Variants in ZNF782 observed in about 807,000 individuals in gnomAD.
ZNF782 encodes zinc finger protein 782.
In ZNF782, 12 loss-of-function variants were observed where a neutral mutation model predicts 13.0. The observed-to-expected ratio is 0.92, with a 90% CI of 0.59 to 1.50. The LOEUF is 1.50. Ranked by LOEUF, ZNF782 falls within the 40% of genes most tolerant of loss-of-function variation. ZNF782 has a pLI of 0.00. For synonymous variants in ZNF782, 284 were observed against 283.0 expected (o/e 1.00, Z -0.04); for missense variants, 770 against 822.9 (o/e 0.94, Z 0.79).
chr9:96,880,968 C>T, the ZNF782 span, among the ~76,000 whole-genome samples: 259 of 152,222 alleles, frequency 1.7e-3, 1 homozygote, highest in Admixed American at 5.7e-3. Context: ...TAATATAAAA[C>T]TACTTAAATT....
chr9:96,829,921 A>G (rs529968640), intron 4 of ZNF782, among the ~76,000 whole-genome samples: 20 of 152,320 alleles, frequency 1.3e-4, no homozygotes, highest in African/African-American at 2.9e-4. Flanking sequence ...ATTTAAAAAC[A>G]TAAGATGCTG....
At chr9:96,848,582 A>C (rs1437794475) in intron 3 of ZNF782, among the ~76,000 whole-genome samples, 2 of 152,028 alleles carry the variant, frequency 1.3e-5, no homozygotes, top group Non-Finnish European at 2.9e-5. Context: ...ACAAAATAAC[A>C]CCACCACCAC....
intron 4 of ZNF782, among the ~76,000 whole-genome samples, chr9:96,838,587 G>T (rs887057525): frequency 1.3e-5 from 2 of 152,230 alleles, no homozygotes; most frequent in East Asian, 1.9e-4. Flanking sequence ...TTTTCTTAGA[G>T]AATTGAGCCA....
In ZNF782 at chr9:96,827,071, G is replaced by GT; in HGVS notation, c.244+8dup. ...GAGAACCTTCTTCTTGTTGAATTCAGTAACTCACCTGGGGAGTTCCTGCTT... is the reference window on the plus strand; with the variant it reads ...GAGAACCTTCTTCTTGTTGAATTCAGTTAACTCACCTGGGGAGTTCCTGCTT... On this transcript the variant is annotated intron_variant, in intron 5 of 5. Transcript: ENST00000481138. 1 of 1,589,008 alleles carries GT rather than the reference G, an allele frequency of 6.3e-7. No homozygotes were observed. Among genetic ancestry groups the GT allele is most frequent in the Non-Finnish European group, 8.6e-7 (1 of 1,161,814 alleles).
At chr9:96,883,864 C>A in the ZNF782 span, among the ~76,000 whole-genome samples, 1 of 152,228 alleles carries the variant, frequency 6.6e-6, no homozygotes, top group Non-Finnish European at 1.5e-5. Context: ...TTTCCTTCTG[C>A]TTCTCATATG....
chr9:96,892,586 C>T, the ZNF782 span: 5 of 152,252 alleles, frequency 3.3e-5, no homozygotes, highest in African/African-American at 7.2e-5. Context: ...GGAGACATGC[C>T]TTTACCAAGT....
chr9:96,898,940 C>T, the ZNF782 span, among the ~76,000 whole-genome samples: 14 of 148,180 alleles, frequency 9.4e-5, no homozygotes, highest in South Asian at 3.0e-3. Context: ...TTGGGACAAC[C>T]GTCACCACTG....
chr9:96,906,649 C>T, the ZNF782 span, among the ~76,000 whole-genome samples: 24 of 152,324 alleles, frequency 1.6e-4, no homozygotes, highest in Non-Finnish European at 2.8e-4. Flanking sequence ...GCTTTTATAT[C>T]CTCCCAGGCA....
At chr9:96,913,314 C>T in the ZNF782 span, among the ~76,000 whole-genome samples, 2 of 151,842 alleles carry the variant, frequency 1.3e-5, no homozygotes, top group Admixed American at 1.3e-4. Context: ...GACTCCATTT[C>T]AAAAAATTTT....
chr9:96,871,280 TTTC>T (rs958505240), intron 1 of ZNF782, among the ~76,000 whole-genome samples: 12 of 152,218 alleles, frequency 7.9e-5, no homozygotes, highest in African/African-American at 1.2e-4. Flanking sequence ...TTTAATTGTA[TTTC>T]TTCTTTTTTT....
chr9:96,926,800 T>C, the ZNF782 span, among the ~76,000 whole-genome samples: 1 of 152,196 alleles, frequency 6.6e-6, no homozygotes, highest in Non-Finnish European at 1.5e-5. Flanking sequence ...TGAGTCCAAA[T>C]GTCTTCGAAA....
chr9:96,820,559 CT>C (rs1196759479), intron 5 of ZNF782, among the ~76,000 whole-genome samples: 34 of 88,540 alleles, frequency 3.8e-4, no homozygotes, highest in African/African-American at 1.3e-3. Context: ...TTTTTTTTTT[CT>C]TTTTTTTGAG....
chr9:96,917,588 C>A, the ZNF782 span, among the ~76,000 whole-genome samples: 1 of 151,714 alleles, frequency 6.6e-6, no homozygotes, highest in South Asian at 2.1e-4. Context: ...CCCACCACCA[C>A]GCCCAGCTAT....
upstream of ZNF782, among the ~76,000 whole-genome samples, chr9:96,879,445 G>A (rs550944833): frequency 2.0e-5 from 3 of 152,340 alleles, no homozygotes; most frequent in East Asian, 5.8e-4. Flanking sequence ...AGAGCTTGCG[G>A]TGAGCCCAGA....
chr9:96,886,391 T>A, the ZNF782 span, among the ~76,000 whole-genome samples: 1 of 152,186 alleles, frequency 6.6e-6, no homozygotes, highest in Non-Finnish European at 1.5e-5. Context: ...TCTTAAATGA[T>A]AATTGAGTGT....
At chr9:96,885,717 A>AC in the ZNF782 span, among the ~76,000 whole-genome samples, 263 of 152,290 alleles carry the variant, frequency 1.7e-3, no homozygotes, top group African/African-American at 5.7e-3. Context: ...AACAAAAAAA[A>AC]ACAAAGAAAA....
the ZNF782 span, among the ~76,000 whole-genome samples, chr9:96,900,696 G>A: frequency 6.6e-5 from 10 of 152,168 alleles, no homozygotes; most frequent in Non-Finnish European, 1.0e-4. Context: ...AGCTGAGATC[G>A]CACCATTGCA....
In ZNF782 at chr9:96,844,972, C is replaced by T; in HGVS notation, c.60G>A (p.Glu20=). 1.9e-6 allele frequency: 3 copies of T among 1,614,034 alleles called. No individual in the cohort carries two copies. Among genetic ancestry groups the T allele is most frequent in the Non-Finnish European group, 2.5e-6 (3 of 1,179,972 alleles). Residue 20 remains glutamate, a synonymous_variant, in exon 4 of 6, where the codon GAG becomes GAA. Transcript: ENST00000481138. ...CAACAGGGCCCATGTGCTGCCACTC[C>T]TCCTGGCTGAATTCCACAGTCACGT... ...FQDVTVEFSQ[E]EWQHMGPVER...
rs1290254177 is a variant in ZNF782 at position 96,819,532 on chromosome 9, T to A, written c.491A>T (p.Glu164Val). Residue 164 changes from glutamate (E) to valine (V), a missense_variant, in exon 6 of 6, where the codon GAG (glutamate) becomes GTG (valine). Physicochemically the swap from Glu to Val is moderately radical, Grantham distance 121 (BLOSUM62 -2). Coordinates refer to ENST00000481138, the MANE Select transcript of ZNF782 (RefSeq NM_001001662.3). ...GAGCCATTTGTCACAAACATTACGC[T>A]CATGAGCCTTTTCTTTTGAATACTG... Reference protein sequence around the residue: ...HCQYSKEKAHERNVCDKWLIS... With the variant: ...HCQYSKEKAHVRNVCDKWLIS... 1 of 1,612,646 alleles carries A rather than the reference T, an allele frequency of 6.2e-7. No homozygotes were observed. The highest frequency in any genetic ancestry group is 1.3e-5 in the African/African-American group (1 of 74,888).
Sources: gnomAD v4.1 joint callset for allele counts (sites outside exome capture counted in the v4.1 genomes callset) on GRCh38, gnomAD v4.1.1 for gene constraint, MANE v1.5 for transcripts, NCBI Gene and HGNC (gene_info 2026-07-23, HGNC 2026-07-21) for gene names.